The following FOXP1 variants were observed in gnomAD, a reference collection of about 807,000 sequenced individuals.
FOXP1 encodes forkhead box protein P1.
FOXP1 carries 15 observed loss-of-function variants against 98.2 expected under a neutral mutation model. The observed-to-expected ratio is 0.15, with a 90% CI of 0.10 to 0.24. The LOEUF is 0.24. Ranked by LOEUF, FOXP1 falls within the 10% of genes least tolerant of loss-of-function variation. The probability of loss-of-function intolerance (pLI) is 1.00; values close to 1 mark genes in which losing one functional copy is unlikely to be tolerated. For synonymous variants in FOXP1, 371 were observed against 314.5 expected, an observed-to-expected ratio of 1.18 and a Z score of -1.90; for missense variants, 633 against 848.5, an observed-to-expected ratio of 0.75 and a Z score of 3.15.
chr3:71,059,261 ACCC>A (rs1487100450), intron 7 of FOXP1, among the ~76,000 whole-genome samples: 1 of 152,144 alleles, frequency 6.6e-6, no homozygotes, highest in African/African-American at 2.4e-5. Context: ...CAGGTTATCA[ACCC>A]TAATAAGCAA....
intron 6 of FOXP1, among the ~76,000 whole-genome samples, chr3:71,128,380 G>C (rs879722029): frequency 1.3e-5 from 2 of 151,624 alleles, no homozygotes; most frequent in Admixed American, 1.3e-4. Flanking sequence ...GCCTCTGGAG[G>C]AATCAATTTG....
chr3:70,991,971 C>T (rs781359234), intron 13 of FOXP1, among the ~76,000 whole-genome samples: 2 of 152,068 alleles, frequency 1.3e-5, no homozygotes, highest in East Asian at 1.9e-4. Context: ...TAGAGTTAGA[C>T]GGGATTTTAA....
chr3:71,026,499 G>C (rs555163005), intron 11 of FOXP1, among the ~76,000 whole-genome samples: 1 of 152,076 alleles, frequency 6.6e-6, no homozygotes, highest in Non-Finnish European at 1.5e-5. Context: ...TGGACTTAGG[G>C]GTCAAAGACC....
At chr3:71,205,707 G>A (rs780210685) in intron 5 of FOXP1, among the ~76,000 whole-genome samples, 1 of 152,110 alleles carries the variant, frequency 6.6e-6, no homozygotes, top group Non-Finnish European at 1.5e-5. Flanking sequence ...GTGTCCAAAC[G>A]GCGCCACTGA....
At chr3:70,983,504 A>G (rs2039234341) in intron 14 of FOXP1, among the ~76,000 whole-genome samples, 2 of 152,168 alleles carry the variant, frequency 1.3e-5, no homozygotes. Flanking sequence ...CCTAATGGCT[A>G]TGGTTAGAGG....
intron 3 of FOXP1, among the ~76,000 whole-genome samples, chr3:71,375,964 T>C (rs1417020411): frequency 1.3e-5 from 2 of 152,076 alleles, no homozygotes; most frequent in African/African-American, 4.8e-5. Context: ...TAAAGGAACA[T>C]GATTTGGGGT....
intron 4 of FOXP1, among the ~76,000 whole-genome samples, chr3:71,344,746 G>A (rs1296149557): frequency 3.9e-5 from 6 of 152,098 alleles, no homozygotes; most frequent in South Asian, 2.1e-4. Context: ...GCTGAGGCAC[G>A]AGAATGGCTT....
chr3:71,273,013 T>C (rs1170842212), intron 5 of FOXP1, among the ~76,000 whole-genome samples: 2 of 152,086 alleles, frequency 1.3e-5, no homozygotes, highest in Non-Finnish European at 2.9e-5. Context: ...ATACATGAAT[T>C]AGGACTAAGG....
intron 7 of FOXP1, among the ~76,000 whole-genome samples, chr3:71,108,758 C>G (rs1051206232): frequency 6.6e-5 from 10 of 151,906 alleles, no homozygotes; most frequent in African/African-American, 2.4e-4. Context: ...GAGCAAGACT[C>G]CATCTCAAAA....
intron 6 of FOXP1, among the ~76,000 whole-genome samples, chr3:71,121,512 A>C: frequency 6.6e-6 from 1 of 151,660 alleles, no homozygotes; most frequent in East Asian, 1.9e-4. Flanking sequence ...TCCTACTCCC[A>C]TTAACATAGG....
rs908191758 is a variant in FOXP1, at chr3:71,083,487, C to T, written c.282+29049G>A. Among the ~76,000 whole-genome samples, 3 of 152,210 alleles carry T rather than the reference C, an allele frequency of 2.0e-5. No homozygotes were observed. In the East Asian group the frequency reaches 5.8e-4, roughly 29 times the overall value. ...AACACACTTACCAATCAGCACATCT[C>T]CTCCCTTCTCCACAGTGACTGGTTC... On this transcript the variant is annotated intron_variant, in intron 7 of 20. Coordinates refer to ENST00000649528, the MANE Select transcript of FOXP1 (RefSeq NM_001349338.3).
At chr3:71,375,365 AT>A (rs1434937611) in intron 3 of FOXP1, among the ~76,000 whole-genome samples, 5 of 152,236 alleles carry the variant, frequency 3.3e-5, no homozygotes, top group South Asian at 2.1e-4. Context: ...AACAGCTGGA[AT>A]TCTGACAGAC....
In FOXP1 at chr3:71,035,364, G is replaced by A. The variant is rs567458972; in HGVS notation, c.869+5964C>T. ...ACCAGGCTAATGGTGAAGGTCAGGG[G>A]TCAGCAACTGTTTCTGTAAATGGTC... On this transcript the variant is annotated intron_variant, in intron 11 of 20. Coordinates refer to ENST00000649528, the MANE Select transcript of FOXP1 (RefSeq NM_001349338.3). Among the ~76,000 whole-genome samples the A allele has an allele frequency of 5.9e-5, 9 of 152,298 alleles. No individual in the cohort carries two copies. The South Asian group carries it at 1.9e-3, about 32-fold the overall frequency.
intron 5 of FOXP1, among the ~76,000 whole-genome samples, chr3:71,225,905 G>C (rs879557034): frequency 6.6e-6 from 1 of 152,130 alleles, no homozygotes; most frequent in Non-Finnish European, 1.5e-5. Context: ...GGCCCAAGAC[G>C]GACTGAGAAA....
intron 12 of FOXP1, among the ~76,000 whole-genome samples, chr3:71,011,618 A>AT (rs2043646202): frequency 6.6e-6 from 1 of 152,010 alleles, no homozygotes; most frequent in South Asian, 2.1e-4. Context: ...TTATTTATTT[A>AT]TTTTTTTCGC....
At chr3:71,549,861 A>G (rs560401827) in intron 2 of FOXP1, among the ~76,000 whole-genome samples, 2 of 24,598 alleles carry the variant, frequency 8.1e-5, no homozygotes, top group South Asian at 7.0e-4. Flanking sequence ...TGCTGGGAGT[A>G]AAAAAAAAAA....
chr3:71,003,530 A>C (rs939177730), intron 12 of FOXP1, among the ~76,000 whole-genome samples: 5 of 152,176 alleles, frequency 3.3e-5, no homozygotes, highest in Non-Finnish European at 7.3e-5. Flanking sequence ...GAAAGATGGA[A>C]TCTGTCACAA....
intron 7 of FOXP1, among the ~76,000 whole-genome samples, chr3:71,057,087 G>C (rs2050751775): frequency 6.6e-6 from 1 of 152,112 alleles, no homozygotes; most frequent in Non-Finnish European, 1.5e-5. Flanking sequence ...ATCCTGTGTT[G>C]AATGTCTGGA....
intron 3 of FOXP1, among the ~76,000 whole-genome samples, chr3:71,405,558 C>T (rs1337343775): frequency 6.6e-5 from 10 of 151,980 alleles, no homozygotes; most frequent in Non-Finnish European, 1.5e-4. Flanking sequence ...GGCTAGGAGG[C>T]CAGGTAGATC....
Sources: allele counts gnomAD v4.1 joint callset (sites outside exome capture counted in the v4.1 genomes callset), GRCh38; gene constraint gnomAD v4.1.1; transcripts MANE v1.5; gene names NCBI Gene and HGNC (gene_info 2026-07-23, HGNC 2026-07-21).